The following SAMD4B variants were observed in gnomAD, a reference collection of about 807,000 sequenced individuals.
SAMD4B encodes the protein protein Smaug homolog 2.
In SAMD4B, 5 loss-of-function variants were observed where a neutral mutation model predicts 74.5. The observed-to-expected ratio is 0.07, with a 90% CI of 0.04 to 0.14. The LOEUF is 0.14. Ranked by LOEUF, SAMD4B falls within the 10% of genes least tolerant of loss-of-function variation. SAMD4B has a pLI of 1.00. For synonymous variants in SAMD4B, 373 were observed against 374.9 expected (o/e 1.00, Z 0.06); for missense variants, 608 against 921.8 (o/e 0.66, Z 4.41).
chr19:39,383,083 C>CG lies in SAMD4B; in HGVS notation c.1973-124dup. ...GCCTCTCTCCCTGTCCACCTCCTCC[C>CG]GTTCTTCCCTCTCCCCCTCCATCTC... On this transcript the variant is annotated intron_variant, in intron 12 of 13. Transcript: ENST00000610417. The surrounding 1 kb of genome is among the most constrained non-coding windows in gnomAD (Gnocchi z 4.1). The CG allele has an allele frequency of 1.3e-6, 1 of 777,666 alleles. No homozygotes were observed. The highest frequency in any genetic ancestry group is 2.5e-5 in the East Asian group (1 of 39,368). The allele number at this position is 777,666 out of a possible 1,614,324, so 48.2% of individuals were successfully genotyped here. A position where few individuals can be genotyped will look rare whatever the true frequency, so the allele number is the denominator to read the frequency against.
intron 1 of SAMD4B, among the ~76,000 whole-genome samples, chr19:39,343,959 C>T (rs2075510439): frequency 6.9e-6 from 1 of 145,758 alleles, no homozygotes; most frequent in African/African-American, 2.7e-5. Context: ...CTTGGTGACC[C>T]CTCTGATATG....
At position 39,385,565 on chromosome 19, in the gene SAMD4B, G is replaced by T. The variant is rs75922393; in HGVS notation, c.*2038G>T. ...ACCCTCCCTACCCACTTCTGTCCCC[G>T]GCCCCACTGGCAGAATCAGCTTTGA... is the stretch of plus-strand genomic sequence containing the variant. On this transcript the variant is annotated 3_prime_UTR_variant, in exon 14 of 14. Transcript: ENST00000610417. The T allele has an allele frequency of 1.0e-5, 5 of 489,234 alleles. No homozygotes were observed. The highest frequency in any genetic ancestry group is 1.8e-5 in the Non-Finnish European group (5 of 280,736). The allele number at this position is 489,234 out of a possible 1,614,324, so 30.3% of individuals were successfully genotyped here.
chr19:39,365,987 G>T (rs2076939098), intron 3 of SAMD4B, among the ~76,000 whole-genome samples: 1 of 152,102 alleles, frequency 6.6e-6, no homozygotes, highest in African/African-American at 2.4e-5. Context: ...AGTCATTTGA[G>T]AGCAGGAATT....
chr19:39,369,448 T>C, intron 3 of SAMD4B: 1 of 582,928 alleles, frequency 1.7e-6, no homozygotes, highest in Non-Finnish European at 3.0e-6. Context: ...ACCCCATCTC[T>C]TAAAAAAAAT....
intron 4 of SAMD4B, among the ~76,000 whole-genome samples, chr19:39,371,225 G>C (rs971585584): frequency 2.0e-5 from 3 of 152,232 alleles, no homozygotes; most frequent in Non-Finnish European, 4.4e-5. Flanking sequence ...GAGAGTGACA[G>C]TGAAATGTCA....
At chr19:39,389,063 T>TG (rs1358296312), downstream of SAMD4B, 2 of 1,612,048 alleles carry the variant, frequency 1.2e-6, no homozygotes, top group Admixed American at 3.3e-5. The surrounding 1 kb of genome is among the most constrained non-coding windows in gnomAD (Gnocchi z 5.3). Context: ...GCCGCACCCT[T>TG]GCCTCTCCCC....
chr19:39,342,681 C>A (rs1315877266), intron 1 of SAMD4B, 105 bp downstream of exon 1: 1 of 148,962 alleles, frequency 6.7e-6, no homozygotes, highest in Non-Finnish European at 1.5e-5. Context: ...CCTCAGGGAC[C>A]CCGAACCGCG....
At chr19:39,388,783 A>G, downstream of SAMD4B, 1 of 1,614,072 alleles carries the variant, frequency 6.2e-7, no homozygotes, top group Non-Finnish European at 8.5e-7. Context: ...CTGAGACATC[A>G]TCTCCAACGC....
rs1324727419 is a variant in SAMD4B, at chr19:39,377,613, G to A, written c.1233G>A (p.Lys411=). ...CCGCCACCACCACCCCTACTGCCAA[G>A]GATGGGGCCCCGGGGGAACCACCGC... ...VAAATTTPTA[K]DGAPGEPPLP... Residue 411 remains lysine (K), a synonymous_variant, in exon 8 of 14, where the codon AAG becomes AAA. Transcript: ENST00000610417. 5 of 1,614,098 alleles carry A rather than the reference G, an allele frequency of 3.1e-6. No homozygotes were observed. Among genetic ancestry groups the A allele is most frequent in the Non-Finnish European group, 4.2e-6 (5 of 1,179,968 alleles).
chr19:39,355,033 C>T (rs138600630), intron 2 of SAMD4B, among the ~76,000 whole-genome samples: 194 of 152,196 alleles, frequency 1.3e-3, no homozygotes, highest in African/African-American at 4.4e-3. Flanking sequence ...GTAGCACGCC[C>T]GGCTAATTTT....
intron 1 of SAMD4B, among the ~76,000 whole-genome samples, chr19:39,343,568 C>G (rs149261339): frequency 6.7e-4 from 101 of 151,504 alleles, no homozygotes; most frequent in Middle Eastern, 6.8e-3. Context: ...CAGAGGCCTC[C>G]TGTCTCCCCC....
Position 39,385,685 on chromosome 19 carries a change from AAAC to A in SAMD4B, c.*2161_*2163del. On this transcript the variant is annotated 3_prime_UTR_variant, in exon 14 of 14. Transcript: ENST00000610417. ...GGCTTATTTTGGAAAAAAAAAAAAC[AAAC>A]AAAAAAAACGAATTCTGACCTTCGT... 1 of 532,774 alleles carries A rather than the reference AAAC, an allele frequency of 1.9e-6. No individual in the cohort carries two copies. The highest frequency in any genetic ancestry group is 3.3e-6 in the Non-Finnish European group (1 of 304,168). 33.0% of individuals were successfully genotyped at this position (532,774 alleles called of 1,614,324 possible).
chr19:39,361,921 C>A (rs915097156), intron 3 of SAMD4B, among the ~76,000 whole-genome samples: 2 of 152,018 alleles, frequency 1.3e-5, no homozygotes, highest in African/African-American at 4.8e-5. Context: ...AGCCAGACTC[C>A]GTCTCAAAGA....
At chr19:39,386,795 G>A (rs754962248), downstream of SAMD4B, 4 of 1,609,828 alleles carry the variant, frequency 2.5e-6, no homozygotes, top group East Asian at 2.2e-5. The surrounding 1 kb of genome is among the most constrained non-coding windows in gnomAD (Gnocchi z 6.1). Flanking sequence ...TTACTAAGGC[G>A]GACCCTGCAG....
At chr19:39,386,094 C>T (rs2145921993), downstream of SAMD4B, 2 of 1,613,988 alleles carry the variant, frequency 1.2e-6, no homozygotes, top group South Asian at 1.1e-5. The surrounding 1 kb of genome is among the most constrained non-coding windows in gnomAD (Gnocchi z 6.1). Context: ...ACTGGCGCTG[C>T]GGCTGTGGCT....
chr19:39,390,284 T>A, downstream of SAMD4B: 1 of 1,612,510 alleles, frequency 6.2e-7, no homozygotes, highest in Non-Finnish European at 8.5e-7. Context: ...CCGGTGGGAA[T>A]TGGGCCTAGT....
In SAMD4B at chr19:39,357,197, T is replaced by C. The variant is rs1351749148; in HGVS notation, c.196+108T>C. The C allele has an allele frequency of 6.2e-6, 6 of 961,866 alleles. No homozygotes were observed. In the East Asian group the frequency reaches 1.7e-4, roughly 27 times the overall value. 59.6% of individuals were successfully genotyped at this position (961,866 alleles called of 1,614,324 possible). A position where few individuals can be genotyped will look rare whatever the true frequency, so the allele number is the denominator to read the frequency against. On this transcript the variant is annotated intron_variant, in intron 3 of 13. Transcript: ENST00000610417. ...CAATGGGACTAAAAAACGTGGGTTC[T>C]AGGCTTGGTGGGTGGGGAGTTCCTT... is the stretch of plus-strand genomic sequence containing the variant.
In SAMD4B at chr19:39,379,324, A is replaced by G. The variant is rs1231713677; in HGVS notation, c.1531-642A>G. Among the ~76,000 whole-genome samples the G allele has an allele frequency of 7.2e-5, 11 of 152,286 alleles. No individual in the cohort carries two copies. The East Asian group carries it at 1.9e-3, about 27-fold the overall frequency. The stretch of plus-strand genomic sequence containing the variant: ...GCCCGTACATACTCTTTTGTCAGCA[A>G]CAGTACCCTTTCCTCCTCCTCACCC... On this transcript the variant is annotated intron_variant, in intron 9 of 13. Transcript: ENST00000610417.
At position 39,369,813 on chromosome 19, in the gene SAMD4B, A is replaced by G; in HGVS notation, c.355A>G (p.Ile119Val). The stretch of plus-strand genomic sequence containing the variant: ...CTACTCAATCGAGAGCAATGCTTTC[A>G]TCGAGGAGAGTCGCCAGCTGCTTTC... ...LAYSIESNAF[I>V]EESRQLLSYA... Residue 119 changes from isoleucine (I) to valine (V), a missense_variant, in exon 4 of 14, where the codon ATC becomes GTC. Coordinates refer to ENST00000610417, the MANE Select transcript of SAMD4B (RefSeq NM_001384574.2). The G allele has an allele frequency of 6.2e-7, 1 of 1,614,242 alleles. No individual in the cohort carries two copies. Among genetic ancestry groups the G allele is most frequent in the South Asian group, 1.1e-5 (1 of 91,090 alleles).
Sources: gnomAD v4.1 joint callset for allele counts (sites outside exome capture counted in the v4.1 genomes callset) on GRCh38, gnomAD v4.1.1 for gene constraint, Gnocchi (gnomAD v3.1) non-coding constraint, MANE v1.5 for transcripts, NCBI Gene and HGNC (gene_info 2026-07-23, HGNC 2026-07-21) for gene names.